CEP112: variants seen among roughly 807,000 people sequenced by gnomAD.
CEP112 encodes centrosomal protein of 112 kDa.
Under a neutral mutation model 153.0 loss-of-function variants are expected in CEP112, and 127 were observed. That is an observed-to-expected ratio of 0.83 (90% CI 0.72 to 0.96). The LOEUF is 0.96. Among genes scored for constraint, CEP112 ranks in the 40% least tolerant of loss-of-function variants. The pLI, the probability that CEP112 is intolerant of heterozygous loss-of-function variation, is 0.00. For synonymous variants in CEP112, 358 were observed against 374.4 expected (o/e 0.96, Z 0.51); for missense variants, 1,089 against 1,101.2 (o/e 0.99, Z 0.16).
chr17:65,724,015 A>G (rs1043200729), intron 23 of CEP112, among the ~76,000 whole-genome samples: 3 of 152,164 alleles, frequency 2.0e-5, no homozygotes, highest in Admixed American at 2.0e-4. Flanking sequence ...ACAGCAAGTG[A>G]CAGAGACATA....
intron 23 of CEP112, among the ~76,000 whole-genome samples, chr17:65,726,636 A>G (rs2050197598): frequency 6.6e-6 from 1 of 152,186 alleles, no homozygotes; most frequent in Admixed American, 6.5e-5. Context: ...TAAGCAGAAG[A>G]GTTTGATCAT....
intron 18 of CEP112, among the ~76,000 whole-genome samples, chr17:65,959,843 T>C (rs1405453620): frequency 2.0e-5 from 3 of 152,188 alleles, no homozygotes; most frequent in Non-Finnish European, 2.9e-5. Flanking sequence ...TGCTGCTCCA[T>C]GCCTAACTCA....
At chr17:66,067,654 G>C (rs757730109) in intron 9 of CEP112, among the ~76,000 whole-genome samples, 8 of 152,026 alleles carry the variant, frequency 5.3e-5, no homozygotes, top group Non-Finnish European at 1.0e-4. Context: ...ATATTATAGT[G>C]CATTAAGAAA....
chr17:65,852,025 C>G lies in CEP112; in HGVS notation c.2173G>C (p.Asp725His). The G allele has an allele frequency of 6.2e-7, 1 of 1,600,972 alleles. No individual in the cohort carries two copies. The highest frequency in any genetic ancestry group is 8.5e-7 in the Non-Finnish European group (1 of 1,176,280). Residue 725 changes from aspartate to histidine, a missense_variant, in exon 21 of 27, where the codon GAC (aspartate) becomes CAC (histidine). Coordinates refer to ENST00000535342, the MANE Select transcript of CEP112 (RefSeq NM_001199165.4). ...AACTTGTGAACCTGGGCCTCCATGT[C>G]GGCAATAACCTTGTTTTTAAAAATG... is the stretch of plus-strand genomic sequence containing the variant. Reference protein sequence around the residue: ...FKKRDAQVIADMEAQVHKLRE... With the variant: ...FKKRDAQVIAHMEAQVHKLRE...
At chr17:66,155,985 T>C (rs2071421721) in intron 4 of CEP112, among the ~76,000 whole-genome samples, 1 of 152,202 alleles carries the variant, frequency 6.6e-6, no homozygotes, top group Non-Finnish European at 1.5e-5. Flanking sequence ...TCCTTCCTGT[T>C]GGCTCTGAAG....
intron 11 of CEP112, among the ~76,000 whole-genome samples, chr17:66,057,529 G>A (rs2145967806): frequency 6.6e-6 from 1 of 152,160 alleles, no homozygotes; most frequent in Admixed American, 6.5e-5. Context: ...ATTTTAAATA[G>A]GTAGTTGAAT....
chr17:65,921,701 A>G (rs2060734277), intron 19 of CEP112, among the ~76,000 whole-genome samples: 1 of 152,172 alleles, frequency 6.6e-6, no homozygotes, highest in African/African-American at 2.4e-5. Flanking sequence ...TCATGAAAAA[A>G]AGAAAGAAAA....
chr17:65,937,622 G>A (rs1442041711), intron 18 of CEP112, among the ~76,000 whole-genome samples: 3 of 95,826 alleles, frequency 3.1e-5, no homozygotes, highest in South Asian at 6.3e-4. Flanking sequence ...GAGGTGGGGG[G>A]GTCAGCCCCC....
chr17:65,713,668 G>C (rs2049325845), intron 23 of CEP112, among the ~76,000 whole-genome samples: 2 of 152,034 alleles, frequency 1.3e-5, no homozygotes, highest in Admixed American at 6.6e-5. Context: ...CTCACTGCAA[G>C]CTCTGCCTGC....
intron 17 of CEP112, among the ~76,000 whole-genome samples, chr17:65,967,305 C>A (rs759457582): frequency 6.6e-6 from 1 of 152,158 alleles, no homozygotes; most frequent in South Asian, 2.1e-4. Flanking sequence ...TCAGCTAGGA[C>A]GTCTATAAAT....
intron 6 of CEP112, among the ~76,000 whole-genome samples, chr17:66,125,373 A>G (rs1207992011): frequency 6.6e-6 from 1 of 152,156 alleles, no homozygotes; most frequent in Non-Finnish European, 1.5e-5. Context: ...AATGGACAGG[A>G]GTCAGGCATG....
chr17:65,818,188 G>A (rs1435060428), intron 21 of CEP112, among the ~76,000 whole-genome samples: 1 of 151,828 alleles, frequency 6.6e-6, no homozygotes, highest in Non-Finnish European at 1.5e-5. Context: ...AGTGAAGGAA[G>A]TAATTACACA....
At position 66,097,418 on chromosome 17, in the gene CEP112, CTG is replaced by C. The variant is rs562266049; in HGVS notation, c.643-788_643-787del. Among the ~76,000 whole-genome samples, 14 of 152,284 alleles carry C rather than the reference CTG, an allele frequency of 9.2e-5. No homozygotes were observed. In the South Asian group the frequency reaches 2.9e-3, roughly 32 times the overall value. On this transcript the variant is annotated intron_variant, in intron 6 of 26. Coordinates refer to ENST00000535342, the MANE Select transcript of CEP112 (RefSeq NM_001199165.4). ...TCCCTGTTTCAAAACAGTGTGGACT[CTG>C]AAAGCAGAGACCATGACTGCCCTGT...
At chr17:65,654,056 C>CAAAAAAAAAAAA (rs773433478) in intron 24 of CEP112, among the ~76,000 whole-genome samples, 16 of 26,878 alleles carry the variant, frequency 6.0e-4, no homozygotes, top group African/African-American at 1.8e-3. Context: ...AAGACTCCAT[C>CAAAAAAAAAAAA]AAAAAAAAAA....
intron 16 of CEP112, among the ~76,000 whole-genome samples, chr17:66,009,071 G>C (rs10775400): frequency 6.6e-6 from 1 of 151,484 alleles, no homozygotes; most frequent in African/African-American, 2.4e-5. Flanking sequence ...TGAATGATAC[G>C]GTAGTGCTAT....
intron 16 of CEP112, among the ~76,000 whole-genome samples, chr17:66,013,452 G>A (rs566162336): frequency 6.6e-6 from 1 of 152,270 alleles, no homozygotes; most frequent in Admixed American, 6.5e-5. Context: ...TGTGGCATAA[G>A]GTGGGGTCCA....
intron 8 of CEP112, among the ~76,000 whole-genome samples, chr17:66,074,075 A>G (rs1422795265): frequency 2.0e-5 from 3 of 152,300 alleles, no homozygotes; most frequent in Non-Finnish European, 2.9e-5. Context: ...AGGAAAACAT[A>G]TTCAAAAATT....
intron 24 of CEP112, among the ~76,000 whole-genome samples, chr17:65,648,134 A>G (rs2045540885): frequency 6.6e-6 from 1 of 152,094 alleles, no homozygotes; most frequent in Admixed American, 6.6e-5. Context: ...GTTCATTTCC[A>G]TCCTCTCTCC....
chr17:65,957,781 G>T (rs1568291007), intron 18 of CEP112, among the ~76,000 whole-genome samples: 1 of 151,894 alleles, frequency 6.6e-6, no homozygotes, highest in Non-Finnish European at 1.5e-5. Context: ...AACTTTTCAA[G>T]ACTTTTATGA....
Sources: gnomAD v4.1 joint callset for allele counts (sites outside exome capture counted in the v4.1 genomes callset) on GRCh38, gnomAD v4.1.1 for gene constraint, MANE v1.5 for transcripts, NCBI Gene and HGNC (gene_info 2026-07-23, HGNC 2026-07-21) for gene names.